The following TDRD5 variants were observed in gnomAD, a reference collection of about 807,000 sequenced individuals.
TDRD5 encodes the protein tudor domain containing 5.
Under a neutral mutation model 120.6 loss-of-function variants are expected in TDRD5, and 41 were observed. The ratio of observed to expected loss-of-function variants is 0.34; its 90% confidence interval spans 0.26 to 0.44. The LOEUF is 0.44. Among genes scored for constraint, TDRD5 ranks in the 20% least tolerant of loss-of-function variants. TDRD5 has a pLI of 1.00. For synonymous variants in TDRD5, 430 were observed against 433.7 expected, an observed-to-expected ratio of 0.99 and a Z score of 0.11; for missense variants, 1,006 against 1,221.2, an observed-to-expected ratio of 0.82 and a Z score of 2.63.
In TDRD5 at chr1:179,663,498, G is replaced by T. The variant is rs1407166417; in HGVS notation, c.2649+7G>T. ...CACAAACAGGACTCAAAAGGTAAAT[G>T]TCTAATGCAGGTTATTGGGACAGGT... On this transcript the variant is annotated splice_region_variant and intron_variant, in intron 16 of 17. Transcript: ENST00000444136. The T allele has an allele frequency of 6.2e-7, 1 of 1,603,482 alleles. No homozygotes were observed. Among genetic ancestry groups the T allele is most frequent in the East Asian group, 2.2e-5 (1 of 44,734 alleles).
At chr1:179,643,305 C>T (rs1308988913) in intron 11 of TDRD5, among the ~76,000 whole-genome samples, 3 of 151,916 alleles carry the variant, frequency 2.0e-5, no homozygotes, top group Non-Finnish European at 4.4e-5. Flanking sequence ...TACTATTCAA[C>T]TAAAAATCAC....
At chr1:179,649,642 G>C (rs975443597) in intron 11 of TDRD5, among the ~76,000 whole-genome samples, 1 of 152,086 alleles carries the variant, frequency 6.6e-6, no homozygotes, top group Non-Finnish European at 1.5e-5. Context: ...TTTGGGTTTT[G>C]TGGCTTTAAG....
chr1:179,688,936 GCC>G (rs1680928172), intron 17 of TDRD5, among the ~76,000 whole-genome samples: 1 of 152,098 alleles, frequency 6.6e-6, no homozygotes, highest in Non-Finnish European at 1.5e-5. Flanking sequence ...ATTCTAGTTA[GCC>G]ATTCATCTAA....
chr1:179,683,473 A>G (rs1680536821), intron 17 of TDRD5, among the ~76,000 whole-genome samples: 1 of 152,150 alleles, frequency 6.6e-6, no homozygotes, highest in Non-Finnish European at 1.5e-5. Context: ...TTCCTCTCTA[A>G]TAGACACTAT....
At chr1:179,678,145 G>A (rs1242821385) in intron 17 of TDRD5, among the ~76,000 whole-genome samples, 1 of 152,118 alleles carries the variant, frequency 6.6e-6, no homozygotes, top group East Asian at 1.9e-4. Flanking sequence ...GATTATGGCT[G>A]CCTCTGCTGA....
At chr1:179,596,702 G>T (rs1225803338) in intron 4 of TDRD5, among the ~76,000 whole-genome samples, 1 of 152,092 alleles carries the variant, frequency 6.6e-6, no homozygotes, top group African/African-American at 2.4e-5. Flanking sequence ...ACGTAAATTT[G>T]TTATACCTTC....
intron 4 of TDRD5, among the ~76,000 whole-genome samples, chr1:179,611,037 T>G (rs34390508): frequency 6.6e-6 from 1 of 152,108 alleles, no homozygotes; most frequent in Non-Finnish European, 1.5e-5. Flanking sequence ...CTCGAAATTG[T>G]ATTCTTAGAT....
chr1:179,602,246 T>C (rs1475455090), intron 4 of TDRD5, among the ~76,000 whole-genome samples: 19 of 152,268 alleles, frequency 1.2e-4, no homozygotes, highest in Admixed American at 1.2e-3. Flanking sequence ...ATGATGGCCA[T>C]TCTTGCAGGA....
chr1:179,685,755 C>T (rs1021609476), intron 17 of TDRD5, among the ~76,000 whole-genome samples: 3 of 152,146 alleles, frequency 2.0e-5, no homozygotes, highest in African/African-American at 7.2e-5. Flanking sequence ...AGAGGTCCTT[C>T]ACATCCCTTG....
intron 4 of TDRD5, among the ~76,000 whole-genome samples, chr1:179,605,859 A>G (rs1675948022): frequency 1.3e-5 from 2 of 152,158 alleles, no homozygotes; most frequent in African/African-American, 4.8e-5. Flanking sequence ...ATCCACTTGT[A>G]CTGAAGGACG....
chr1:179,623,254 A>G, intron 6 of TDRD5, among the ~76,000 whole-genome samples: 1 of 152,204 alleles, frequency 6.6e-6, no homozygotes, highest in South Asian at 2.1e-4. Context: ...AAATAATGCC[A>G]GATTGGAACT....
intron 4 of TDRD5, among the ~76,000 whole-genome samples, chr1:179,614,398 G>T (rs1230363757): frequency 6.6e-6 from 1 of 152,126 alleles, no homozygotes; most frequent in Non-Finnish European, 1.5e-5. Context: ...TGTAGCCTAA[G>T]TTGGGCATTT....
rs1372118910 is a variant in TDRD5, at chr1:179,652,207, T to C, written c.2160+10T>C. ...TGAGTTACGTATCTTGGTAAGAGAT[T>C]TTTGCAAATACTATTATAATTCTTT... On this transcript the variant is annotated intron_variant, in intron 13 of 17. Coordinates refer to ENST00000444136, the MANE Select transcript of TDRD5 (RefSeq NM_001199085.3). 6.3e-6 allele frequency: 10 copies of C among 1,592,068 alleles called. No homozygotes were observed. The highest frequency in any genetic ancestry group is 8.5e-6 in the Non-Finnish European group (10 of 1,174,370).
chr1:179,669,100 A>G (rs111367742), intron 16 of TDRD5, 94 bp from the exon 17 acceptor site: 17 of 1,127,188 alleles, frequency 1.5e-5, no homozygotes, highest in African/African-American at 1.3e-4. Flanking sequence ...TAATATGGAA[A>G]TATTTGTATT....
chr1:179,675,270 A>ATTTTTTTTTTTTTT (rs879312785), intron 17 of TDRD5, among the ~76,000 whole-genome samples: 15 of 59,252 alleles, frequency 2.5e-4, no homozygotes, highest in Non-Finnish European at 3.5e-4. Context: ...TATTATTATT[A>ATTTTTTTTTTTTTT]TTATTTTTTT....
chr1:179,625,150 C>T (rs1396995063), intron 6 of TDRD5, among the ~76,000 whole-genome samples: 1 of 146,238 alleles, frequency 6.8e-6, no homozygotes, highest in Non-Finnish European at 1.5e-5. Context: ...AAAAAAGAAT[C>T]CCAACCCCAA....
rs539062559 is a variant in TDRD5 at position 179,608,718 on chromosome 1, T to C, written c.832-9881T>C. ...GTTTTAGAGGGCTTGTCTAGTTTTA[T>C]TATCTGTGCCATTTCTGTTTTTTTT... is the stretch of plus-strand genomic sequence containing the variant. On this transcript the variant is annotated intron_variant, in intron 4 of 17. Coordinates refer to ENST00000444136, the MANE Select transcript of TDRD5 (RefSeq NM_001199085.3). Among the ~76,000 whole-genome samples, 312 of 151,968 alleles carry C rather than the reference T, an allele frequency of 2.1e-3. 1 individual carries two copies. The highest frequency in any genetic ancestry group is 7.1e-3 in the African/African-American group (293 of 41,446).
chr1:179,598,438 T>G (rs1675523468), intron 4 of TDRD5, among the ~76,000 whole-genome samples: 1 of 152,218 alleles, frequency 6.6e-6, no homozygotes. Flanking sequence ...TCACATTGGA[T>G]CTATAGATAT....
At chr1:179,665,854 G>A (rs1679531290) in intron 16 of TDRD5, among the ~76,000 whole-genome samples, 1 of 152,006 alleles carries the variant, frequency 6.6e-6, no homozygotes, top group Admixed American at 6.6e-5. Flanking sequence ...CATGCAGGTT[G>A]AATATCCCTT....
Sources: gnomAD v4.1 joint callset for allele counts (sites outside exome capture counted in the v4.1 genomes callset) on GRCh38, gnomAD v4.1.1 for gene constraint, MANE v1.5 for transcripts, NCBI Gene and HGNC (gene_info 2026-07-23, HGNC 2026-07-21) for gene names.